The following NREP variants were observed in gnomAD, a reference collection of about 807,000 sequenced individuals.
The protein encoded by NREP is neuronal regeneration related protein.
In NREP, 5 loss-of-function variants were observed where a neutral mutation model predicts 8.6. The observed-to-expected ratio is 0.58, with a 90% CI of 0.30 to 1.22. NREP has a LOEUF of 1.22. Among genes scored for constraint, NREP ranks in the 50% most tolerant of loss-of-function variants. The pLI, the probability that NREP is intolerant of heterozygous loss-of-function variation, is 0.07. For missense variants in NREP, 86 were observed against 82.5 expected (o/e 1.04, Z -0.17); for synonymous variants, 27 against 28.0 (o/e 0.96, Z 0.11).
At chr5:111,882,623 G>T (rs1754114447) in intron 2 of NREP, among the ~76,000 whole-genome samples, 1 of 152,232 alleles carries the variant, frequency 6.6e-6, no homozygotes, top group South Asian at 2.1e-4. Flanking sequence ...CAGACTAACA[G>T]CTGATCTCTC....
At chr5:111,912,730 T>C (rs1754947565) in intron 2 of NREP, 1 of 152,114 alleles carries the variant, frequency 6.6e-6, no homozygotes, top group African/African-American at 2.4e-5. Context: ...AGTAAGTCAA[T>C]ACAGGATTAT....
chr5:111,945,327 A>G (rs1208114363), intron 2 of NREP, among the ~76,000 whole-genome samples: 2 of 151,900 alleles, frequency 1.3e-5, no homozygotes, highest in Middle Eastern at 3.2e-3. Flanking sequence ...ACATGTGCAC[A>G]ACGTGCAGGT....
chr5:111,900,626 T>G (rs1754624748), intron 2 of NREP, among the ~76,000 whole-genome samples: 1 of 152,074 alleles, frequency 6.6e-6, no homozygotes, highest in African/African-American at 2.4e-5. Flanking sequence ...GGGACTATCA[T>G]GAACAACTAT....
intron 2 of NREP, among the ~76,000 whole-genome samples, chr5:111,824,228 G>C: frequency 6.6e-6 from 1 of 152,154 alleles, no homozygotes; most frequent in East Asian, 1.9e-4. Context: ...AATTAGCCTG[G>C]CGTAGTGGTG....
At chr5:111,940,639 C>T (rs910893045) in intron 2 of NREP, among the ~76,000 whole-genome samples, 8 of 151,994 alleles carry the variant, frequency 5.3e-5, no homozygotes, top group East Asian at 1.9e-4. Flanking sequence ...GGATGGGCCC[C>T]GACTCTGAAG....
At chr5:111,805,033 C>T (rs1752110100) in intron 2 of NREP, among the ~76,000 whole-genome samples, 1 of 151,818 alleles carries the variant, frequency 6.6e-6, no homozygotes, top group Non-Finnish European at 1.5e-5. Flanking sequence ...CGAAAAGAAA[C>T]TATTGGAAAA....
At chr5:111,836,797 A>AT (rs1561686867) in intron 2 of NREP, among the ~76,000 whole-genome samples, 1 of 152,030 alleles carries the variant, frequency 6.6e-6, no homozygotes, top group Admixed American at 6.6e-5. Context: ...GAGTATGTAC[A>AT]TTTTTTGTGT....
chr5:111,734,630 T>TAAAC (rs1294745872), intron 3 of NREP: 2 of 606,882 alleles, frequency 3.3e-6, no homozygotes, highest in Non-Finnish European at 6.0e-6. Flanking sequence ...AATAATTTCT[T>TAAAC]AAACATTGAA....
At position 111,767,058 on chromosome 5, in the gene NREP, G is replaced by A. The variant is rs145921168; in HGVS notation, c.136-31551C>T. On this transcript the variant is annotated intron_variant, in intron 2 of 3. Coordinates refer to the NREP transcript ENST00000395634. Reference sequence around the variant, plus strand: ...CCACCCTAAGAATTTGAATGCACACGTGAAAAAAGCCTCAATTGGTAACAC... The same window carrying A: ...CCACCCTAAGAATTTGAATGCACACATGAAAAAAGCCTCAATTGGTAACAC... Among the ~76,000 whole-genome samples, 414 of 152,120 alleles carry A rather than the reference G, an allele frequency of 2.7e-3. 4 individuals carry two copies. Among genetic ancestry groups the A allele is most frequent in the South Asian group, 0.022 (106 of 4,816 alleles).
intron 2 of NREP, among the ~76,000 whole-genome samples, chr5:111,895,098 G>T (rs1754476679): frequency 6.6e-6 from 1 of 152,154 alleles, no homozygotes; most frequent in East Asian, 1.9e-4. Flanking sequence ...TTTTAATTTA[G>T]AGATAATTTG....
intron 2 of NREP, among the ~76,000 whole-genome samples, chr5:111,816,817 A>G (rs1409476341): frequency 6.6e-6 from 1 of 151,796 alleles, no homozygotes; most frequent in Non-Finnish European, 1.5e-5. Flanking sequence ...TTTCCAGTTA[A>G]TATTCTAACA....
intron 2 of NREP, among the ~76,000 whole-genome samples, chr5:111,789,638 C>A (rs1308836786): frequency 6.6e-6 from 1 of 152,082 alleles, no homozygotes; most frequent in Non-Finnish European, 1.5e-5. Flanking sequence ...AGCATATAGA[C>A]CCCCATGGTT....
intron 2 of NREP, among the ~76,000 whole-genome samples, chr5:111,886,098 T>A (rs1754238779): frequency 6.6e-6 from 1 of 152,092 alleles, no homozygotes; most frequent in Non-Finnish European, 1.5e-5. Context: ...ATATCCAGAA[T>A]CTACAATGAA....
rs78987321 is a variant in NREP at position 111,788,546 on chromosome 5, T to A, written c.136-53039A>T. Among the ~76,000 whole-genome samples the A allele has an allele frequency of 7.8e-3, 1,181 of 152,226 alleles. 19 individuals carry two copies. Among genetic ancestry groups the A allele is most frequent in the African/African-American group, 0.025 (1,020 of 41,536 alleles). Reference sequence around the variant, plus strand: ...TCAGAACTGACTGGGAAGAACATAATTCAGTCTCACATGCACCCAGAATTC... The same window carrying A: ...TCAGAACTGACTGGGAAGAACATAAATCAGTCTCACATGCACCCAGAATTC... On this transcript the variant is annotated intron_variant, in intron 2 of 3. Transcript: ENST00000395634.
At chr5:111,889,795 A>C (rs1754350408) in intron 2 of NREP, among the ~76,000 whole-genome samples, 1 of 152,156 alleles carries the variant, frequency 6.6e-6, no homozygotes, top group African/African-American at 2.4e-5. Flanking sequence ...GAGAGTCAGC[A>C]AAGGGAGATG....
chr5:111,949,986 G>C (rs2112632365), intron 2 of NREP, among the ~76,000 whole-genome samples: 1 of 152,160 alleles, frequency 6.6e-6, no homozygotes, highest in African/African-American at 2.4e-5. Context: ...TCTGGTTCTA[G>C]ATCCTTGAGG....
chr5:111,852,603 T>G (rs1753337658), intron 2 of NREP, among the ~76,000 whole-genome samples: 1 of 152,122 alleles, frequency 6.6e-6, no homozygotes, highest in African/African-American at 2.4e-5. Flanking sequence ...GAGTCCTGGG[T>G]TTTAGTTCCA....
chr5:111,912,144 GTTTAA>G (rs1323731250), intron 2 of NREP, among the ~76,000 whole-genome samples: 4 of 152,068 alleles, frequency 2.6e-5, no homozygotes, highest in Non-Finnish European at 5.9e-5. Context: ...TTGTTGGCCA[GTTTAA>G]TTTTTCTTTC....
At chr5:111,758,200 A>T, upstream of NREP, 1 of 985,566 alleles carries the variant, frequency 1.0e-6, no homozygotes, top group South Asian at 4.7e-5. Flanking sequence ...CCGGGCCCAG[A>T]GGTCCTGTGG....
Sources: gnomAD v4.1 joint callset for allele counts (sites outside exome capture counted in the v4.1 genomes callset) on GRCh38, gnomAD v4.1.1 for gene constraint, MANE v1.5 for transcripts, NCBI Gene and HGNC (gene_info 2026-07-23, HGNC 2026-07-21) for gene names.